The following BORCS5 variants were observed in gnomAD, a reference collection of about 807,000 sequenced individuals.
BORCS5 encodes BLOC-1 related complex subunit 5.
In BORCS5, 17 loss-of-function variants were observed where a neutral mutation model predicts 22.1. That is an observed-to-expected ratio of 0.77 (90% CI 0.53 to 1.15). The LOEUF (loss-of-function observed/expected upper bound fraction) is 1.15. BORCS5 is among the 50% of genes most tolerant of loss of function. The probability of loss-of-function intolerance (pLI) is 0.00; values close to 1 mark genes in which losing one functional copy is unlikely to be tolerated. For synonymous variants in BORCS5, 117 were observed against 99.8 expected, an observed-to-expected ratio of 1.17 and a Z score of -1.03; for missense variants, 247 against 253.2, an observed-to-expected ratio of 0.98 and a Z score of 0.17.
chr12:12,423,887 G>A (rs1942208452), intron 2 of BORCS5, among the ~76,000 whole-genome samples: 1 of 151,944 alleles, frequency 6.6e-6, no homozygotes, highest in Non-Finnish European at 1.5e-5. Context: ...ATGGGGTTTT[G>A]CCATGTTGCC....
In BORCS5 at chr12:12,417,390, A is replaced by G. The variant is rs939166108; in HGVS notation, c.203-18238A>G. Among the ~76,000 whole-genome samples, 5 of 152,324 alleles carry G rather than the reference A, an allele frequency of 3.3e-5. No individual in the cohort carries two copies. The East Asian group carries it at 7.7e-4, about 24-fold the overall frequency. ...TAATCTGTGACCTAACATATGGCCT[A>G]TCCTGAAAAATGTCCCATGTACACT... On this transcript the variant is annotated intron_variant, in intron 2 of 3. Coordinates refer to ENST00000314565, the MANE Select transcript of BORCS5 (RefSeq NM_058169.6).
intron 2 of BORCS5, among the ~76,000 whole-genome samples, chr12:12,373,212 A>C (rs1179904043): frequency 8.5e-5 from 13 of 152,232 alleles, no homozygotes; most frequent in Non-Finnish European, 1.5e-5. Context: ...TTTGCAAACC[A>C]GGAAGAGTGC....
At chr12:12,363,732 A>C (rs559246572) in intron 2 of BORCS5, among the ~76,000 whole-genome samples, 1 of 150,962 alleles carries the variant, frequency 6.6e-6, no homozygotes, top group Non-Finnish European at 1.5e-5. Context: ...GCAAGACTCC[A>C]TCTCAAAAAA....
intron 2 of BORCS5, among the ~76,000 whole-genome samples, chr12:12,420,729 C>G (rs1046441190): frequency 6.6e-6 from 1 of 151,606 alleles, no homozygotes; most frequent in African/African-American, 2.4e-5. Context: ...GTTATTTCAT[C>G]GAGCAGTGGT....
At chr12:12,413,935 T>C (rs1941822943) in intron 2 of BORCS5, among the ~76,000 whole-genome samples, 1 of 48,410 alleles carries the variant, frequency 2.1e-5, no homozygotes, top group Non-Finnish European at 4.0e-5. Flanking sequence ...GGCGGGGGGC[T>C]GACCCCCCCA....
At chr12:12,431,810 C>G (rs559201439) in intron 2 of BORCS5, among the ~76,000 whole-genome samples, 3 of 152,048 alleles carry the variant, frequency 2.0e-5, no homozygotes, top group Admixed American at 6.5e-5. Context: ...TCTTCTGCCT[C>G]AGCCTCTCAA....
chr12:12,446,734 C>G (rs1942798661), intron 3 of BORCS5, among the ~76,000 whole-genome samples: 1 of 152,196 alleles, frequency 6.6e-6, no homozygotes, highest in African/African-American at 2.4e-5. Context: ...TGGCGATCCT[C>G]CATAGTTTTC....
chr12:12,373,239 A>G lies in BORCS5; in HGVS notation c.202+11890A>G, dbSNP rs371090846. On this transcript the variant is annotated intron_variant, in intron 2 of 3. Coordinates refer to ENST00000314565, the MANE Select transcript of BORCS5 (RefSeq NM_058169.6). The stretch of plus-strand genomic sequence containing the variant: ...GAAGAGTGCCCTCACCAAATATCCA[A>G]TGTGCTAGCACCTAAATCTTGTACT... 2.6e-5 allele frequency among the ~76,000 whole-genome samples: 4 copies of G among 152,308 alleles called. No individual in the cohort carries two copies. The East Asian group carries it at 7.7e-4, about 29-fold the overall frequency.
intron 2 of BORCS5, among the ~76,000 whole-genome samples, chr12:12,364,375 C>G (rs201489330): frequency 1.0e-4 from 5 of 49,728 alleles, no homozygotes; most frequent in Admixed American, 6.4e-4. Flanking sequence ...GACTTGGTCT[C>G]AAAGAAAAAT....
At chr12:12,459,322 T>C (rs987592352) in intron 3 of BORCS5, among the ~76,000 whole-genome samples, 1 of 152,180 alleles carries the variant, frequency 6.6e-6, no homozygotes, top group African/African-American at 2.4e-5. Context: ...ATTTTTTTTT[T>C]TTTTAAAGAC....
intron 3 of BORCS5, among the ~76,000 whole-genome samples, chr12:12,440,617 A>AAC (rs1942663976): frequency 6.6e-6 from 1 of 151,718 alleles, no homozygotes; most frequent in Non-Finnish European, 1.5e-5. Context: ...AAAAAAAAAA[A>AAC]AAACCAGGAT....
intron 2 of BORCS5, 123 bp from the exon 3 acceptor site, chr12:12,435,505 A>T: frequency 1.3e-6 from 1 of 795,862 alleles, no homozygotes. Flanking sequence ...TCATTAACAT[A>T]TAACAAAAGA....
intron 1 of BORCS5, among the ~76,000 whole-genome samples, chr12:12,358,798 A>G (rs966365077): frequency 1.3e-5 from 2 of 152,234 alleles, no homozygotes. Flanking sequence ...AGGAATCACA[A>G]TTTATAGCAG....
chr12:12,395,007 A>G (rs1436120777), intron 2 of BORCS5, among the ~76,000 whole-genome samples: 2 of 152,076 alleles, frequency 1.3e-5, no homozygotes, highest in Non-Finnish European at 2.9e-5. Flanking sequence ...ACAGGGGAAG[A>G]GGTGGACCAT....
chr12:12,417,951 A>G (rs548836520), intron 2 of BORCS5, among the ~76,000 whole-genome samples: 1 of 138,182 alleles, frequency 7.2e-6, no homozygotes, highest in Non-Finnish European at 1.7e-5. Flanking sequence ...TTGAATATTT[A>G]TAATTCTTTT....
intron 2 of BORCS5, among the ~76,000 whole-genome samples, chr12:12,372,345 AT>A (rs111464985): frequency 6.7e-6 from 1 of 150,116 alleles, no homozygotes; most frequent in Non-Finnish European, 1.5e-5. Flanking sequence ...TTACTTACTA[AT>A]TTTTTTTTTC....
intron 3 of BORCS5, among the ~76,000 whole-genome samples, chr12:12,446,124 G>A (rs978675318): frequency 6.6e-6 from 1 of 152,064 alleles, no homozygotes; most frequent in Non-Finnish European, 1.5e-5. Context: ...AGGCCCTGTT[G>A]TAGGTGTCGA....
chr12:12,456,399 C>A (rs1183015939), intron 3 of BORCS5, among the ~76,000 whole-genome samples: 1 of 152,200 alleles, frequency 6.6e-6, no homozygotes, highest in African/African-American at 2.4e-5. Flanking sequence ...CCACTGTACT[C>A]CAGCCTGGGC....
At chr12:12,384,493 C>G (rs889640365) in intron 2 of BORCS5, among the ~76,000 whole-genome samples, 1 of 149,360 alleles carries the variant, frequency 6.7e-6, no homozygotes, top group African/African-American at 2.5e-5. Flanking sequence ...GAGTCACACT[C>G]CTGTTTCTTT....
Sources: gnomAD v4.1 joint callset for allele counts (sites outside exome capture counted in the v4.1 genomes callset) on GRCh38, gnomAD v4.1.1 for gene constraint, MANE v1.5 for transcripts, NCBI Gene and HGNC (gene_info 2026-07-23, HGNC 2026-07-21) for gene names.